Variants in FRMD4B observed in about 807,000 individuals in gnomAD.
FRMD4B encodes FERM domain containing 4B.
A neutral mutation model predicts 141.5 loss-of-function variants in FRMD4B; 74 were observed. That is an observed-to-expected ratio of 0.52 (90% CI 0.43 to 0.63). The LOEUF (loss-of-function observed/expected upper bound fraction) is 0.63. Ranked by LOEUF, FRMD4B falls within the 30% of genes least tolerant of loss-of-function variation. The pLI, the probability that FRMD4B is intolerant of heterozygous loss-of-function variation, is 0.00. For synonymous variants in FRMD4B, 506 were observed against 467.9 expected, an observed-to-expected ratio of 1.08 and a Z score of -1.05; for missense variants, 1,366 against 1,253.4, an observed-to-expected ratio of 1.09 and a Z score of -1.36.
Position 69,249,262 on chromosome 3 carries a change from A to G in FRMD4B, c.559-14T>C. On this transcript the variant is annotated splice_polypyrimidine_tract_variant and intron_variant, in intron 6 of 22. Transcript: ENST00000398540. Reference sequence around the variant, plus strand: ...TCCCTTGGCTTCCTAAAAACAACAAACAAAAACAGAGTTGATCAATATGTA... The same window carrying G: ...TCCCTTGGCTTCCTAAAAACAACAAGCAAAAACAGAGTTGATCAATATGTA... 1 of 1,558,942 alleles carries G rather than the reference A, an allele frequency of 6.4e-7. No individual in the cohort carries two copies. Among genetic ancestry groups the G allele is most frequent in the Middle Eastern group, 1.7e-4 (1 of 5,984 alleles).
intron 7 of FRMD4B, among the ~76,000 whole-genome samples, chr3:69,247,975 A>G (rs2093435797): frequency 6.6e-6 from 1 of 151,950 alleles, no homozygotes; most frequent in Non-Finnish European, 1.5e-5. Flanking sequence ...TATTTGTAGT[A>G]GAGACAGGGT....
chr3:69,500,391 T>C (rs1270724632), intron 1 of FRMD4B, among the ~76,000 whole-genome samples: 3 of 152,194 alleles, frequency 2.0e-5, no homozygotes, highest in African/African-American at 7.2e-5. Context: ...GACAGAAATG[T>C]GAACTCATTG....
intron 5 of FRMD4B, among the ~76,000 whole-genome samples, chr3:69,250,530 A>G (rs2106786125): frequency 6.6e-6 from 1 of 152,174 alleles, no homozygotes; most frequent in Admixed American, 6.5e-5. Flanking sequence ...CAGCATGGTT[A>G]TTTCAGTATA....
intron 7 of FRMD4B, among the ~76,000 whole-genome samples, chr3:69,240,482 CAAAAAAA>C (rs11344881): frequency 1.4e-5 from 1 of 72,436 alleles, no homozygotes; most frequent in East Asian, 4.5e-4. Context: ...GACTCTGTCT[CAAAAAAA>C]AAAAAAAAAA....
At chr3:69,520,025 T>TATAG (rs1187722886) in intron 1 of FRMD4B, among the ~76,000 whole-genome samples, 2 of 113,680 alleles carry the variant, frequency 1.8e-5, no homozygotes, top group African/African-American at 4.3e-5. Flanking sequence ...TATATATATA[T>TATAG]TCCATCATAT....
intron 1 of FRMD4B, among the ~76,000 whole-genome samples, chr3:69,494,466 T>A (rs1310025189): frequency 6.6e-6 from 1 of 152,228 alleles, no homozygotes; most frequent in East Asian, 1.9e-4. Context: ...AGGGTCAGTG[T>A]TCCCAGATAA....
intron 1 of FRMD4B, among the ~76,000 whole-genome samples, chr3:69,452,532 G>A (rs1284989817): frequency 6.6e-6 from 1 of 152,162 alleles, no homozygotes; most frequent in Non-Finnish European, 1.5e-5. Context: ...AAGTTCCCAG[G>A]GAAGCCTGGC....
intron 3 of FRMD4B, among the ~76,000 whole-genome samples, chr3:69,307,021 T>G (rs1366512258): frequency 6.6e-6 from 1 of 151,958 alleles, no homozygotes; most frequent in Admixed American, 6.6e-5. Flanking sequence ...AAGGTAGAAA[T>G]GGCCAATTTC....
chr3:69,482,233 G>T (rs541686653), intron 1 of FRMD4B, among the ~76,000 whole-genome samples: 8 of 152,036 alleles, frequency 5.3e-5, no homozygotes, highest in Admixed American at 5.2e-4. Flanking sequence ...GTAGGGTGGG[G>T]GTAAAAGCTG....
intron 1 of FRMD4B, among the ~76,000 whole-genome samples, chr3:69,454,022 C>T (rs1305757209): frequency 1.3e-5 from 2 of 152,168 alleles, no homozygotes; most frequent in South Asian, 2.1e-4. Flanking sequence ...TTTGCCTCCT[C>T]CTCAGGCCTA....
intron 5 of FRMD4B, among the ~76,000 whole-genome samples, chr3:69,285,713 G>A (rs1425478507): frequency 1.3e-5 from 2 of 151,738 alleles, no homozygotes; most frequent in Non-Finnish European, 2.9e-5. Flanking sequence ...GTGCGGTGGT[G>A]CACACCTATA....
intron 5 of FRMD4B, among the ~76,000 whole-genome samples, chr3:69,282,401 C>G (rs2093648692): frequency 6.6e-6 from 1 of 152,136 alleles, no homozygotes; most frequent in African/African-American, 2.4e-5. Flanking sequence ...TTAACAGCAG[C>G]TACCAACCAT....
intron 1 of FRMD4B, among the ~76,000 whole-genome samples, chr3:69,520,294 AAT>A (rs1211319446): frequency 9.6e-6 from 1 of 103,896 alleles, no homozygotes; most frequent in African/African-American, 5.2e-5. Flanking sequence ...TATATGATGG[AAT>A]ATATATATAT....
chr3:69,276,550 A>C (rs2093618744), intron 5 of FRMD4B, among the ~76,000 whole-genome samples: 1 of 152,052 alleles, frequency 6.6e-6, no homozygotes, highest in Non-Finnish European at 1.5e-5. Context: ...ACCATGCCCG[A>C]CCTTTAGGTG....
intron 1 of FRMD4B, among the ~76,000 whole-genome samples, chr3:69,461,549 A>G (rs1255793267): frequency 7.3e-6 from 1 of 137,658 alleles, no homozygotes; most frequent in Non-Finnish European, 1.5e-5. Context: ...ACTTGAGCCT[A>G]GGAGTTTGAG....
rs753593719 is a variant in FRMD4B at position 69,176,515 on chromosome 3, C to T, written c.2984+9G>A. The stretch of plus-strand genomic sequence containing the variant: ...AGGCTCCTAGGATTTTCGAGCATTG[C>T]TTCCTCACCTGCTTGGAGAGGGTAA... On this transcript the variant is annotated intron_variant, in intron 22 of 22. Coordinates refer to ENST00000398540, the MANE Select transcript of FRMD4B (RefSeq NM_015123.3). 20 of 1,608,178 alleles carry T rather than the reference C, an allele frequency of 1.2e-5. No homozygotes were observed. The highest frequency in any genetic ancestry group is 1.6e-4 in the Middle Eastern group (1 of 6,064).
chr3:69,439,568 A>G (rs1210721160), intron 1 of FRMD4B, among the ~76,000 whole-genome samples: 2 of 152,216 alleles, frequency 1.3e-5, no homozygotes, highest in Non-Finnish European at 2.9e-5. Flanking sequence ...TTTGTCCCCC[A>G]CAAAATACCA....
At chr3:69,248,105 T>C (rs2093436593) in intron 7 of FRMD4B, among the ~76,000 whole-genome samples, 2 of 152,102 alleles carry the variant, frequency 1.3e-5, no homozygotes, top group Admixed American at 1.3e-4. Flanking sequence ...GGCGTGAGCC[T>C]TTAATGATAC....
At chr3:69,245,878 C>T (rs1469779671) in intron 7 of FRMD4B, among the ~76,000 whole-genome samples, 1 of 126,994 alleles carries the variant, frequency 7.9e-6, no homozygotes, top group African/African-American at 3.1e-5. Flanking sequence ...ACTCTTGTTG[C>T]CCAGGCTGGA....
Sources: gnomAD v4.1 joint callset for allele counts (sites outside exome capture counted in the v4.1 genomes callset) on GRCh38, gnomAD v4.1.1 for gene constraint, MANE v1.5 for transcripts, NCBI Gene and HGNC (gene_info 2026-07-23, HGNC 2026-07-21) for gene names.